FAT1: variants seen among roughly 807,000 people sequenced by gnomAD.
FAT1 encodes the protein protocadherin Fat 1.
Under a neutral mutation model 329.8 loss-of-function variants are expected in FAT1, and 171 were observed. The observed-to-expected ratio is 0.52, with a 90% CI of 0.46 to 0.59. The LOEUF is 0.59. FAT1 is among the 20% of genes least tolerant of loss of function. FAT1 has a pLI of 0.00. For synonymous variants in FAT1, 2,233 were observed against 2,228.6 expected (o/e 1.00, Z -0.06); for missense variants, 5,672 against 5,774.4 (o/e 0.98, Z 0.57).
chr4:186,714,405 G>A (rs761974117), intron 1 of FAT1, among the ~76,000 whole-genome samples: 9 of 152,116 alleles, frequency 5.9e-5, no homozygotes, highest in African/African-American at 1.2e-4. Flanking sequence ...GGAGCAGATC[G>A]GGAGGTCAGT....
intron 3 of FAT1, among the ~76,000 whole-genome samples, chr4:186,651,987 G>A (rs1741685978): frequency 6.6e-6 from 1 of 152,212 alleles, no homozygotes. Flanking sequence ...TGGCGAGGCT[G>A]GAAAGCAGCT....
rs1739291569 is a variant in FAT1, at chr4:186,609,425, T to C, written c.10069-105A>G. ...GCTTAGCTGTTTCTTTTTGTTGTTG[T>C]TTTTTTTTTGAGATGGAGCCTTGCT... On this transcript the variant is annotated intron_variant, in intron 15 of 26. Transcript: ENST00000441802. 11 of 1,172,992 alleles carry C rather than the reference T, an allele frequency of 9.4e-6. No individual in the cohort carries two copies. In the East Asian group the frequency reaches 3.0e-4, roughly 33 times the overall value. The allele number at this position is 1,172,992 out of a possible 1,614,324, so 72.7% of individuals were successfully genotyped here. A position where few individuals can be genotyped will look rare whatever the true frequency, so the allele number is the denominator to read the frequency against.
Position 186,628,111 on chromosome 4 carries a change from A to G in FAT1, c.4810+43T>C, listed in dbSNP as rs1448108280. The G allele has an allele frequency of 5.7e-6, 9 of 1,583,718 alleles. No homozygotes were observed. In the Admixed American group the frequency reaches 1.6e-4, roughly 28 times the overall value. Reference sequence around the variant, plus strand: ...TTTGGAAAAGTAGAAACAGACTTTTAACAACTGCAAATTTAAAATGCCACT... The same window carrying G: ...TTTGGAAAAGTAGAAACAGACTTTTGACAACTGCAAATTTAAAATGCCACT... On this transcript the variant is annotated intron_variant, in intron 9 of 26. Coordinates refer to ENST00000441802, the MANE Select transcript of FAT1 (RefSeq NM_005245.4).
At chr4:186,684,954 G>A (rs1388268096) in intron 2 of FAT1, among the ~76,000 whole-genome samples, 2 of 152,184 alleles carry the variant, frequency 1.3e-5, no homozygotes, top group Admixed American at 6.5e-5. Flanking sequence ...AAGCAGGCAA[G>A]TCTGATTTGT....
chr4:186,671,237 A>C (rs1323601630), intron 2 of FAT1, among the ~76,000 whole-genome samples: 1 of 152,194 alleles, frequency 6.6e-6, no homozygotes, highest in African/African-American at 2.4e-5. Context: ...TGTGTGTATA[A>C]GAAACTTTAC....
At chr4:186,700,085 G>T (rs1045307210) in intron 2 of FAT1, among the ~76,000 whole-genome samples, 1 of 152,122 alleles carries the variant, frequency 6.6e-6, no homozygotes, top group African/African-American at 2.4e-5. Context: ...ATGGCCAAGA[G>T]GACAGCTGCT....
At chr4:186,667,866 C>A (rs1016630048) in intron 2 of FAT1, among the ~76,000 whole-genome samples, 9 of 152,274 alleles carry the variant, frequency 5.9e-5, no homozygotes, top group Non-Finnish European at 8.8e-5. Context: ...GGAGCTGAGC[C>A]GGACAGTCTG....
chr4:186,715,448 T>C lies in FAT1; in HGVS notation c.-18-5603A>G, dbSNP rs1745167818. Among the ~76,000 whole-genome samples, 3 of 152,318 alleles carry C rather than the reference T, an allele frequency of 2.0e-5. No individual in the cohort carries two copies. The South Asian group carries it at 6.2e-4, about 32-fold the overall frequency. The stretch of plus-strand genomic sequence containing the variant: ...ATGCTACTGTGAGTAGAATAAATTA[T>C]TAAATGAAAAAATACACTTTTTGGA... On this transcript the variant is annotated intron_variant, in intron 1 of 26. Coordinates refer to ENST00000441802, the MANE Select transcript of FAT1 (RefSeq NM_005245.4).
In FAT1 at chr4:186,709,250, T is replaced by G. The variant is rs750555004; in HGVS notation, c.578A>C (p.Asp193Ala). ...EFYYSFKDRT[D>A]MFAIHPTSGV... ...ACTGGTTGGGTGAATAGCAAACATA[T>G]CTGTTCGATCTTTAAAACTGTAGTA... Residue 193 changes from aspartate (D) to alanine (A), a missense_variant, in exon 2 of 27, where the codon GAT (aspartate) becomes GCT (alanine). By Grantham distance (126) the Asp-to-Ala change is moderately radical. Transcript: ENST00000441802. 1 of 1,613,926 alleles carries G rather than the reference T, an allele frequency of 6.2e-7. No individual in the cohort carries two copies. The highest frequency in any genetic ancestry group is 2.2e-5 in the East Asian group (1 of 44,872).
At chr4:186,623,982 T>C (rs1054248748) in intron 9 of FAT1, among the ~76,000 whole-genome samples, 12 of 152,110 alleles carry the variant, frequency 7.9e-5, no homozygotes, top group Admixed American at 1.3e-4. Flanking sequence ...CACATCCATA[T>C]AGATTAAGGC....
At chr4:186,658,117 G>A (rs1741992320) in intron 3 of FAT1, among the ~76,000 whole-genome samples, 1 of 152,170 alleles carries the variant, frequency 6.6e-6, no homozygotes, top group Non-Finnish European at 1.5e-5. Context: ...ACTGATGATG[G>A]ACACAGTCAA....
intron 22 of FAT1, among the ~76,000 whole-genome samples, chr4:186,599,126 C>A (rs1447273437): frequency 6.6e-6 from 1 of 152,196 alleles, no homozygotes; most frequent in African/African-American, 2.4e-5. Context: ...TCCTTGCTAA[C>A]CTGGTTTGGA....
intron 2 of FAT1, among the ~76,000 whole-genome samples, chr4:186,671,027 T>C (rs327082): frequency 0.39 from 58,793 of 152,020 alleles, 12,385 homozygotes; most frequent in East Asian, 0.87. Flanking sequence ...TATGTGAGCA[T>C]TCTACTTTCT....
At chr4:186,693,946 C>T (rs1743911504) in intron 2 of FAT1, among the ~76,000 whole-genome samples, 1 of 152,156 alleles carries the variant, frequency 6.6e-6, no homozygotes, top group African/African-American at 2.4e-5. Flanking sequence ...TCTAACCCAA[C>T]CACCATCTCC....
rs757609098 is a variant in FAT1, at chr4:186,633,747, T to C, written c.4260A>G (p.Glu1420=). 48 of 1,613,856 alleles carry C rather than the reference T, an allele frequency of 3.0e-5. No homozygotes were observed. Among genetic ancestry groups the C allele is most frequent in the Non-Finnish European group, 3.7e-5 (44 of 1,179,884 alleles). ...TIIVAKPLDA[E]QKSNYNLTVE... ...CTGTGAGGTTGTAGTTTGACTTCTGTTCTGCATCAAGAGGTTTGGCAACAA... is the reference window on the plus strand; with the variant it reads ...CTGTGAGGTTGTAGTTTGACTTCTGCTCTGCATCAAGAGGTTTGGCAACAA... Residue 1420 remains glutamate, a synonymous_variant, in exon 7 of 27, where the codon GAA becomes GAG. Transcript: ENST00000441802.
Position 186,708,753 on chromosome 4 carries a change from G to C in FAT1, c.1075C>G (p.Gln359Glu), listed in dbSNP as rs1744783142. The change falls in exon 2 of 27, where the codon CAG (glutamine) becomes GAG (glutamate). Residue 359 changes from glutamine (Q) to glutamate (E), a missense_variant. This residue lies in a region of FAT1 where 3,966 missense variants were observed against 3,915.2 expected (regional missense o/e 1.01). Transcript: ENST00000441802. ...SVKVIHVTSPQFKAGPVKFEK... is the reference protein window; with the variant it reads ...SVKVIHVTSPEFKAGPVKFEK... ...AACTTGACTGGCCCGGCTTTGAACT[G>C]TGGAGAAGTCACGTGAATGACTTTA... 2.5e-6 allele frequency: 4 copies of C among 1,614,028 alleles called. No individual in the cohort carries two copies. The highest frequency in any genetic ancestry group is 1.7e-5 in the Admixed American group (1 of 60,028).
At chr4:186,705,707 T>C (rs1744553562) in intron 2 of FAT1, among the ~76,000 whole-genome samples, 1 of 152,222 alleles carries the variant, frequency 6.6e-6, no homozygotes, top group African/African-American at 2.4e-5. Flanking sequence ...AACTACAATA[T>C]CTGCGCAGCA....
At chr4:186,700,261 G>A (rs956635973) in intron 2 of FAT1, among the ~76,000 whole-genome samples, 7 of 152,112 alleles carry the variant, frequency 4.6e-5, no homozygotes, top group African/African-American at 1.4e-4. Context: ...AACAATTAAC[G>A]TCCTGTCCAG....
chr4:186,590,153 T>C (rs1413129288), intron 26 of FAT1, among the ~76,000 whole-genome samples: 2 of 151,832 alleles, frequency 1.3e-5, no homozygotes, highest in East Asian at 3.9e-4. Flanking sequence ...TGGAATAGTT[T>C]TTTTTTTTTC....
Sources: gnomAD v4.1 joint callset for allele counts (sites outside exome capture counted in the v4.1 genomes callset) on GRCh38, gnomAD v4.1.1 for gene constraint, gnomAD v4.1.1 regional missense constraint, MANE v1.5 for transcripts, NCBI Gene and HGNC (gene_info 2026-07-23, HGNC 2026-07-21) for gene names.